The following GALNT9 variants were observed in gnomAD, a reference collection of about 807,000 sequenced individuals.
GALNT9 encodes the protein GalNAc transferase 9.
In GALNT9, 47 loss-of-function variants were observed where a neutral mutation model predicts 63.1. That is an observed-to-expected ratio of 0.75 (90% CI 0.59 to 0.95). GALNT9 has a LOEUF of 0.95. GALNT9 is among the 40% of genes least tolerant of loss of function. The probability of loss-of-function intolerance (pLI) is 0.00; values close to 1 mark genes in which losing one functional copy is unlikely to be tolerated. For synonymous variants in GALNT9, 396 were observed against 365.7 expected, an observed-to-expected ratio of 1.08 and a Z score of -0.94; for missense variants, 829 against 874.8, an observed-to-expected ratio of 0.95 and a Z score of 0.66.
At chr12:132,260,829 C>A (rs975539898) in intron 4 of GALNT9, 119 bp downstream of exon 4, 25 of 1,351,388 alleles carry the variant, frequency 1.8e-5, no homozygotes, top group Non-Finnish European at 2.2e-5. Context: ...AAGGCTACGG[C>A]GAGTCTCCCA....
chr12:132,303,577 G>A (rs1372772442), intron 1 of GALNT9, among the ~76,000 whole-genome samples: 2 of 102,896 alleles, frequency 1.9e-5, no homozygotes, highest in African/African-American at 8.2e-5. Context: ...CCTCGCCCGG[G>A]CACACCCTCG....
rs542561409 is a variant in GALNT9, at chr12:132,221,642, C to T, written c.1078-17952G>A. ...TGCCACTGCACTCCAGCCTGGGTGA[C>T]AGAGTGAGACGTTCTCAAAAAAAAA... On this transcript the variant is annotated intron_variant, in intron 6 of 10. Coordinates refer to ENST00000328957, the MANE Select transcript of GALNT9 (RefSeq NM_001122636.2). 8.9e-4 allele frequency among the ~76,000 whole-genome samples: 97 copies of T among 109,598 alleles called. 1 individual carries two copies. The highest frequency in any genetic ancestry group is 6.6e-3 in the South Asian group (20 of 3,038). The allele number at this position is 109,598 out of a possible 152,430, so 71.9% of individuals were successfully genotyped here.
At chr12:132,306,226 C>T (rs1203084981) in intron 1 of GALNT9, among the ~76,000 whole-genome samples, 4 of 152,244 alleles carry the variant, frequency 2.6e-5, no homozygotes, top group Non-Finnish European at 5.9e-5. Flanking sequence ...GTGAGGGCGC[C>T]GGCACCTGCC....
chr12:132,325,565 G>A (rs1869002828), intron 1 of GALNT9, among the ~76,000 whole-genome samples: 2 of 152,188 alleles, frequency 1.3e-5, no homozygotes, highest in Non-Finnish European at 2.9e-5. Context: ...TGGCCACAGT[G>A]GGGCCTTCTG....
chr12:132,287,758 C>G (rs532749303), intron 1 of GALNT9, among the ~76,000 whole-genome samples: 2 of 151,974 alleles, frequency 1.3e-5, no homozygotes, highest in Non-Finnish European at 2.9e-5. Flanking sequence ...CCAAGGGGGC[C>G]GGGCCAGGGA....
At chr12:132,219,034 G>A (rs974589553) in intron 6 of GALNT9, among the ~76,000 whole-genome samples, 4 of 152,058 alleles carry the variant, frequency 2.6e-5, no homozygotes, top group African/African-American at 4.8e-5. Context: ...TTGAGCTCTC[G>A]GGGTGCTGCC....
chr12:132,302,674 C>T (rs1881344814), intron 1 of GALNT9, among the ~76,000 whole-genome samples: 1 of 152,214 alleles, frequency 6.6e-6, no homozygotes, highest in Non-Finnish European at 1.5e-5. Context: ...AGGGCAGCCG[C>T]TTCCACGCAG....
At chr12:132,247,533 G>T in intron 6 of GALNT9, 1 of 469,020 alleles carries the variant, frequency 2.1e-6, no homozygotes, top group South Asian at 1.6e-5. Flanking sequence ...GGCTCAGTGC[G>T]CTGAGCAGGA....
intron 10 of GALNT9, among the ~76,000 whole-genome samples, chr12:132,197,579 C>A (rs1875609152): frequency 1.3e-5 from 2 of 148,816 alleles, no homozygotes; most frequent in Admixed American, 1.3e-4. Context: ...AGCCCGACCC[C>A]TCTCTGGCTG....
At chr12:132,225,612 C>A (rs894379316) in intron 6 of GALNT9, among the ~76,000 whole-genome samples, 16 of 148,498 alleles carry the variant, frequency 1.1e-4, no homozygotes, top group Admixed American at 6.0e-4. Flanking sequence ...ACACCCCACA[C>A]ATGCACATCA....
rs1875550466 is a variant in GALNT9 at position 132,197,002 on chromosome 12, A to G, written c.*105T>C. 6.5e-7 allele frequency: 1 copy of G among 1,541,556 alleles called. No homozygotes were observed. Among genetic ancestry groups the G allele is most frequent in the Non-Finnish European group, 8.7e-7 (1 of 1,143,738 alleles). On this transcript the variant is annotated 3_prime_UTR_variant, in exon 11 of 11. Transcript: ENST00000328957. ...AGCCTCTGCTGTCCTGGCCGCACAT[A>G]GAGCCCTGTCCTGCTGTGTCTGCCG...
At chr12:132,257,420 G>C (rs370824930) in intron 5 of GALNT9, among the ~76,000 whole-genome samples, 1 of 82,878 alleles carries the variant, frequency 1.2e-5, no homozygotes, top group South Asian at 3.5e-4. Flanking sequence ...TGCTTGCTGG[G>C]GGACGTCCCC....
rs370164089 is a variant in GALNT9 at position 132,199,309 on chromosome 12, G to A, written c.1402-40C>T. 220 of 1,464,550 alleles carry A rather than the reference G, an allele frequency of 1.5e-4. 2 individuals carry two copies. In the Admixed American group the frequency reaches 3.2e-3, roughly 21 times the overall value. 90.7% of individuals were successfully genotyped at this position (1,464,550 alleles called of 1,614,324 possible). A position where few individuals can be genotyped will look rare whatever the true frequency, so the allele number is the denominator to read the frequency against. ...CCCAGGAGAAAGTCCAGAGTCACCC[G>A]AGGGTGCGGCCCCAGGGAGCTTCAC... On this transcript the variant is annotated intron_variant, in intron 8 of 10. Coordinates refer to ENST00000328957, the MANE Select transcript of GALNT9 (RefSeq NM_001122636.2).
intron 2 of GALNT9, among the ~76,000 whole-genome samples, chr12:132,269,855 C>T (rs1291818911): frequency 1.3e-5 from 2 of 152,154 alleles, no homozygotes; most frequent in South Asian, 2.1e-4. Context: ...CACACACAGG[C>T]GAGGGAGATG....
Position 132,260,995 on chromosome 12 carries a change from G to A in GALNT9, c.714C>T (p.Ala238=), listed in dbSNP as rs1280073433. 7.7e-6 allele frequency: 12 copies of A among 1,548,852 alleles called. No individual in the cohort carries two copies. The highest frequency in any genetic ancestry group is 1.4e-5 in the African/African-American group (1 of 72,908). Residue 238 remains alanine (A), a synonymous_variant, in exon 4 of 11, where the codon GCC becomes GCT. Transcript: ENST00000328957. The part of the protein sequence containing the change: ...ARLQGWKAAT[A]PVVGFFDAHV... ...GGGCATCAAAGAAGCCGACGACTGG[G>A]GCGGTGGCCGCCTTCCAGCCCTGCA...
intron 2 of GALNT9, among the ~76,000 whole-genome samples, chr12:132,264,562 C>T (rs1406746775): frequency 1.3e-5 from 2 of 152,156 alleles, no homozygotes; most frequent in African/African-American, 2.4e-5. Flanking sequence ...GGCCGGAGGC[C>T]GTGTCCGCGT....
chr12:132,288,063 C>T (rs1352821771), intron 1 of GALNT9, among the ~76,000 whole-genome samples: 2 of 152,222 alleles, frequency 1.3e-5, no homozygotes, highest in Non-Finnish European at 2.9e-5. Flanking sequence ...ATACCCGATG[C>T]TAATATCCCA....
intron 6 of GALNT9, among the ~76,000 whole-genome samples, chr12:132,240,179 G>A (rs2136897855): frequency 3.3e-5 from 5 of 152,184 alleles, no homozygotes; most frequent in Non-Finnish European, 7.4e-5. Flanking sequence ...GACGTTGCTT[G>A]AGAGGAATCT....
At position 132,329,356 on chromosome 12, in the gene GALNT9, C is replaced by G; in HGVS notation, c.-153G>C. 1 of 1,182,106 alleles carries G rather than the reference C, an allele frequency of 8.5e-7. No homozygotes were observed. Among genetic ancestry groups the G allele is most frequent in the Non-Finnish European group, 1.1e-6 (1 of 907,374 alleles). 73.2% of individuals were successfully genotyped at this position (1,182,106 alleles called of 1,614,324 possible). A position where few individuals can be genotyped will look rare whatever the true frequency, so the allele number is the denominator to read the frequency against. On this transcript the variant is annotated 5_prime_UTR_variant, in exon 1 of 11. Transcript: ENST00000328957. ...AGCTGTCCCTTCAGCACCAGCTCAG[C>G]GCGCCGGGCCACGGCCGCCGGGGGT...
Sources: allele counts gnomAD v4.1 joint callset (sites outside exome capture counted in the v4.1 genomes callset), GRCh38; gene constraint gnomAD v4.1.1; transcripts MANE v1.5; gene names NCBI Gene and HGNC (gene_info 2026-07-23, HGNC 2026-07-21).